The following ASPM variants were observed in gnomAD, a reference collection of about 807,000 sequenced individuals.
The protein encoded by ASPM is assembly factor for spindle microtubules.
In ASPM, 256 loss-of-function variants were observed where a neutral mutation model predicts 366.4. The observed-to-expected ratio is 0.70, with a 90% CI of 0.63 to 0.77. The LOEUF (loss-of-function observed/expected upper bound fraction) is 0.77. Among genes scored for constraint, ASPM ranks in the 30% least tolerant of loss-of-function variants. The pLI, the probability that ASPM is intolerant of heterozygous loss-of-function variation, is 0.00. For missense variants in ASPM, 4,146 were observed against 4,090.4 expected, an observed-to-expected ratio of 1.01 and a Z score of -0.37; for synonymous variants, 1,414 against 1,342.9, an observed-to-expected ratio of 1.05 and a Z score of -1.16.
At chr1:197,145,567 T>C (rs1040794205) in intron 1 of ASPM, among the ~76,000 whole-genome samples, 2 of 152,054 alleles carry the variant, frequency 1.3e-5, no homozygotes, top group Non-Finnish European at 2.9e-5. Context: ...AGGGTACATA[T>C]GGAAACTAAA....
chr1:197,107,959 T>C (rs111755547), intron 17 of ASPM, among the ~76,000 whole-genome samples: 57 of 152,210 alleles, frequency 3.7e-4, no homozygotes, highest in South Asian at 8.3e-4. Flanking sequence ...TAAAAACACA[T>C]GGTAGGCCAA....
At chr1:197,095,806 T>C (rs1656954514) in intron 19 of ASPM, among the ~76,000 whole-genome samples, 192 bp downstream of exon 19, 1 of 151,714 alleles carries the variant, frequency 6.6e-6, no homozygotes, top group African/African-American at 2.4e-5. Flanking sequence ...CTATGCTCTA[T>C]CTCAAAAAAG....
chr1:197,105,189 GA>G lies in ASPM; in HGVS notation c.4066-5del. Reference sequence around the variant, plus strand: ...TGGAATATCTTCTCCAATATCCCTGGAAAAGGTAAGAAAGGACACAAAGTAA... The same window carrying G: ...TGGAATATCTTCTCCAATATCCCTGGAAAGGTAAGAAAGGACACAAAGTAA... On this transcript the variant is annotated splice_region_variant and splice_polypyrimidine_tract_variant and intron_variant, in intron 17 of 27. Transcript: ENST00000367409. 6.3e-7 allele frequency: 1 copy of G among 1,594,448 alleles called. No homozygotes were observed.
chr1:197,114,890 A>G (rs962344707), intron 17 of ASPM, among the ~76,000 whole-genome samples: 1 of 152,118 alleles, frequency 6.6e-6, no homozygotes, highest in African/African-American at 2.4e-5. Flanking sequence ...CTGGGATTAC[A>G]GGCATGCACC....
Position 197,088,435 on chromosome 1 carries a change from TGAAGA to T in ASPM, c.9985-8_9985-4del. ...ACTGCTGAAGTAGTTTTCTCATACT[TGAAGA>T]GAACAGAATGAAATTAAAAGTTGTA... is the stretch of plus-strand genomic sequence containing the variant. On this transcript the variant is annotated splice_polypyrimidine_tract_variant and splice_region_variant and intron_variant, in intron 25 of 27. Transcript: ENST00000367409. 1.3e-6 allele frequency: 2 copies of T among 1,587,208 alleles called. No individual in the cohort carries two copies. Among genetic ancestry groups the T allele is most frequent in the African/African-American group, 1.3e-5 (1 of 74,218 alleles).
intron 1 of ASPM, among the ~76,000 whole-genome samples, 172 bp from the exon 2 acceptor site, chr1:197,144,272 GAAA>G (rs892960205): frequency 2.4e-4 from 37 of 151,628 alleles, no homozygotes; most frequent in African/African-American, 9.0e-4. Context: ...TTAATTATAA[GAAA>G]AAAAGTCACT....
intron 19 of ASPM, 72 bp from the exon 20 acceptor site, chr1:197,094,252 C>A (rs566841706): frequency 1.1e-5 from 10 of 881,738 alleles, no homozygotes; most frequent in Middle Eastern, 2.2e-4. Context: ...TGCCTCCCCC[C>A]CTTTAAAATA....
chr1:197,132,395 A>G (rs1411779505), intron 6 of ASPM, 43 bp from the exon 7 acceptor site: 2 of 1,534,190 alleles, frequency 1.3e-6, no homozygotes, highest in Non-Finnish European at 1.8e-6. Flanking sequence ...ATTGATAATC[A>G]AATAGAGACA....
intron 18 of ASPM, among the ~76,000 whole-genome samples, chr1:197,099,029 G>C (rs1382932141): frequency 6.6e-6 from 1 of 151,428 alleles, no homozygotes; most frequent in Non-Finnish European, 1.5e-5. Context: ...GAGTAACTCT[G>C]CTGAGTTACT....
chr1:197,091,138 C>T, intron 22 of ASPM, 97 bp from the exon 23 acceptor site: 2 of 1,070,900 alleles, frequency 1.9e-6, no homozygotes, highest in East Asian at 2.6e-5. Context: ...AGAAATAGAA[C>T]AGTATATCAA....
intron 12 of ASPM, among the ~76,000 whole-genome samples, 188 bp from the exon 13 acceptor site, chr1:197,124,519 T>TC (rs1449645290): frequency 2.0e-5 from 3 of 151,258 alleles, no homozygotes; most frequent in Non-Finnish European, 3.0e-5. Context: ...GCTTTTTTTT[T>TC]CCCCAAAGGC....
chr1:197,144,767 C>G (rs765525565), intron 1 of ASPM, among the ~76,000 whole-genome samples: 7 of 152,192 alleles, frequency 4.6e-5, no homozygotes, highest in Non-Finnish European at 1.0e-4. Flanking sequence ...ACCCCACACC[C>G]TGGCAGGTAG....
At position 197,086,930 on chromosome 1, in the gene ASPM, G is replaced by A. The variant is rs1558320856; in HGVS notation, c.10204C>T (p.Leu3402Phe). 2 of 1,611,078 alleles carry A rather than the reference G, an allele frequency of 1.2e-6. No homozygotes were observed. The highest frequency in any genetic ancestry group is 1.1e-5 in the South Asian group (1 of 90,992). Residue 3402 changes from leucine (L) to phenylalanine (F), a missense_variant, in exon 27 of 28, where the codon CTC becomes TTC. Around this residue, in one of 3 missense-constraint regions of ASPM, gnomAD observed 3,624 missense variants for 3,591.7 expected, o/e 1.01. Coordinates refer to ENST00000367409, the MANE Select transcript of ASPM (RefSeq NM_018136.5). ...TGTTTATGAGCTGTAAGTTTGTAGA[G>A]ACTGTAAATACGGTCAACAACTTTG... ...RSKVVDRIYS[L>F]YKLTAHKHKM...
intron 6 of ASPM, 129 bp from the exon 7 acceptor site, chr1:197,132,481 A>C: frequency 1.3e-6 from 1 of 751,030 alleles, no homozygotes; most frequent in Non-Finnish European, 2.2e-6. Context: ...ATTTAAATAA[A>C]ATACACTTAT....
chr1:197,112,094 A>G, intron 17 of ASPM, among the ~76,000 whole-genome samples: 1 of 152,206 alleles, frequency 6.6e-6, no homozygotes, highest in East Asian at 1.9e-4. Flanking sequence ...AATAGCAAAG[A>G]CATGGAATCA....
Position 197,104,115 on chromosome 1 carries a change from G to GTAACA in ASPM, c.5131_5135dup (p.Arg1713ValfsTer7). On this transcript the variant is annotated frameshift_variant, in exon 18 of 28. Transcript: ENST00000367409. LOFTEE classifies it high-confidence loss of function. ...TTTGTGCAGCTATTTTTTTGGAACG[G>GTAACA]TAACATTGCTGGATAAATAGTGCAG... 2 of 1,612,910 alleles carry GTAACA rather than the reference G, an allele frequency of 1.2e-6. No individual in the cohort carries two copies. The highest frequency in any genetic ancestry group is 1.7e-6 in the Non-Finnish European group (2 of 1,179,426).
At position 197,089,964 on chromosome 1, in the gene ASPM, C is replaced by G; in HGVS notation, c.9950G>C (p.Arg3317Thr). The change falls in exon 25 of 28, where the codon AGA becomes ACA. Residue 3317 changes from arginine (R) to threonine (T), a missense_variant. By Grantham distance (71) the Arg-to-Thr change is moderately conservative (BLOSUM62 -1). Coordinates refer to ENST00000367409, the MANE Select transcript of ASPM (RefSeq NM_018136.5). ...ATTAAGCAAGACTTGCACAGCATAT[C>G]TGATGACTTCCATACAAGGAATACT... ...NRSIPCMEVI[R>T]YAVQVLLNVS... The G allele has an allele frequency of 6.2e-7, 1 of 1,613,262 alleles. No individual in the cohort carries two copies. Among genetic ancestry groups the G allele is most frequent in the Non-Finnish European group, 8.5e-7 (1 of 1,179,492 alleles).
rs746854361 is a variant in ASPM, at chr1:197,102,419, T to C, written c.6832A>G (p.Met2278Val). 1 of 1,612,708 alleles carries C rather than the reference T, an allele frequency of 6.2e-7. No individual in the cohort carries two copies. Among genetic ancestry groups the C allele is most frequent in the Non-Finnish European group, 8.5e-7 (1 of 1,179,250 alleles). The change falls in exon 18 of 28, where the codon ATG becomes GTG. Residue 2278 changes from methionine to valine, a missense_variant. Met to Val is a conservative substitution (Grantham distance 21, BLOSUM62 1). Coordinates refer to ENST00000367409, the MANE Select transcript of ASPM (RefSeq NM_018136.5). ...TTGAGAGAGAGGAATCTTCTTCTCA[T>C]CATTAGAGTTCTAAATCTCCTCTGA... Reference protein sequence around the residue: ...LIQRRFRTLMMRRRFLSLKKT... With the variant: ...LIQRRFRTLMVRRRFLSLKKT...
rs1658680259 is a variant in ASPM, at chr1:197,143,770, G to C, written c.482C>G (p.Ala161Gly). The C allele has an allele frequency of 6.2e-7, 1 of 1,611,794 alleles. No individual in the cohort carries two copies. Among genetic ancestry groups the C allele is most frequent in the Admixed American group, 1.7e-5 (1 of 59,728 alleles). Residue 161 changes from alanine to glycine, a missense_variant, in exon 3 of 28, where the codon GCC becomes GGC. Transcript: ENST00000367409. ...WDTIKKKKISASTSHNRRVSN... is the reference protein window; with the variant it reads ...WDTIKKKKISGSTSHNRRVSN... ...AACCCTTCTGTTGTGACTTGTAGAG[G>C]CTGAAATTTTCTTCTTTTTAATGGT...
Sources: gnomAD v4.1 joint callset for allele counts (sites outside exome capture counted in the v4.1 genomes callset) on GRCh38, gnomAD v4.1.1 for gene constraint, gnomAD v4.1.1 regional missense constraint, MANE v1.5 for transcripts, NCBI Gene and HGNC (gene_info 2026-07-23, HGNC 2026-07-21) for gene names.